Variants in CTIF observed in about 807,000 individuals in gnomAD.
CTIF encodes cap binding complex dependent translation initiation factor, also known as CBP80/20-dependent translation initiation factor.
Under a neutral mutation model 66.0 loss-of-function variants are expected in CTIF, and 21 were observed. That is an observed-to-expected ratio of 0.32 (90% CI 0.23 to 0.46). CTIF has a LOEUF of 0.46. Ranked by LOEUF, CTIF falls within the 20% of genes least tolerant of loss-of-function variation. The pLI is 1.00. For missense variants in CTIF, 739 were observed against 812.7 expected (o/e 0.91, Z 1.10); for synonymous variants, 345 against 326.4 (o/e 1.06, Z -0.62).
At chr18:48,596,484 T>C (rs2089989202) in intron 1 of CTIF, among the ~76,000 whole-genome samples, 1 of 151,728 alleles carries the variant, frequency 6.6e-6, no homozygotes, top group South Asian at 2.1e-4. Flanking sequence ...TTTCTTTTTT[T>C]TTTTTTCTTT....
At chr18:48,621,180 G>A (rs1353224331) in intron 2 of CTIF, among the ~76,000 whole-genome samples, 1 of 151,726 alleles carries the variant, frequency 6.6e-6, no homozygotes, top group Non-Finnish European at 1.5e-5. Flanking sequence ...ACTCGTGGAT[G>A]ATCATTGCGA....
intron 6 of CTIF, among the ~76,000 whole-genome samples, chr18:48,684,067 G>T (rs1477016479): frequency 1.3e-5 from 2 of 152,230 alleles, no homozygotes; most frequent in Non-Finnish European, 2.9e-5. Flanking sequence ...GACTATTGGA[G>T]CAAATGACCT....
chr18:48,830,167 T>G (rs1307533052), intron 10 of CTIF, among the ~76,000 whole-genome samples: 1 of 152,140 alleles, frequency 6.6e-6, no homozygotes, highest in African/African-American at 2.4e-5. Context: ...TATTTTTGTT[T>G]GTTTGTTTGT....
Position 48,698,331 on chromosome 18 carries a change from G to T in CTIF, c.508-13288G>T, listed in dbSNP as rs565634551. Among the ~76,000 whole-genome samples the T allele has an allele frequency of 2.0e-5, 3 of 151,934 alleles. No individual in the cohort carries two copies. In the South Asian group the frequency reaches 6.2e-4, roughly 32 times the overall value. On this transcript the variant is annotated intron_variant, in intron 6 of 11. Coordinates refer to ENST00000256413, the MANE Select transcript of CTIF (RefSeq NM_014772.3). The stretch of plus-strand genomic sequence containing the variant: ...CCCGGCTGCATGCCAAGCTAGGAGG[G>T]CCCAGCAGCTGGCATGGGACTCGCT...
rs568462909 is a variant in CTIF, at chr18:48,634,998, T to G, written c.181-1616T>G. 1.6e-4 allele frequency among the ~76,000 whole-genome samples: 25 copies of G among 152,350 alleles called. No individual in the cohort carries two copies. The South Asian group carries it at 4.6e-3, about 28-fold the overall frequency. ...ATATAATATATTATTTCATTTAATTTTACCTGTTTCTTTTAAAAATTTGGC... is the reference window on the plus strand; with the variant it reads ...ATATAATATATTATTTCATTTAATTGTACCTGTTTCTTTTAAAAATTTGGC... On this transcript the variant is annotated intron_variant, in intron 2 of 11. Transcript: ENST00000256413.
At chr18:48,670,129 C>T (rs1598838404) in intron 5 of CTIF, among the ~76,000 whole-genome samples, 1 of 152,108 alleles carries the variant, frequency 6.6e-6, no homozygotes, top group South Asian at 2.1e-4. Context: ...AGATTCAGAC[C>T]TCTGGCCAGG....
chr18:48,663,854 G>A, intron 4 of CTIF, 29 bp downstream of exon 4: 1 of 1,605,386 alleles, frequency 6.2e-7, no homozygotes, highest in Non-Finnish European at 8.5e-7. Flanking sequence ...CTTCCCTGTG[G>A]TGTGAGGTCC....
intron 7 of CTIF, among the ~76,000 whole-genome samples, chr18:48,749,290 T>C (rs1907560854): frequency 6.6e-6 from 1 of 152,240 alleles, no homozygotes; most frequent in Non-Finnish European, 1.5e-5. Context: ...GGCCAGGCTT[T>C]GGGCTGGGGA....
At chr18:48,718,581 A>T (rs541097270) in intron 7 of CTIF, among the ~76,000 whole-genome samples, 3 of 152,274 alleles carry the variant, frequency 2.0e-5, no homozygotes, top group Non-Finnish European at 4.4e-5. Context: ...AAGAAGAGGG[A>T]GTGAAGTCAC....
At chr18:48,708,409 A>T (rs186333417) in intron 6 of CTIF, among the ~76,000 whole-genome samples, 3 of 152,202 alleles carry the variant, frequency 2.0e-5, no homozygotes, top group Admixed American at 6.5e-5. Context: ...AGTTTGAAGA[A>T]CAAGATGGCT....
intron 9 of CTIF, among the ~76,000 whole-genome samples, chr18:48,771,813 C>T (rs534302942): frequency 7.9e-5 from 12 of 152,350 alleles, no homozygotes; most frequent in African/African-American, 2.6e-4. Context: ...GAGCGGCCGG[C>T]CCCCAGCCGC....
chr18:48,857,100 G>T (rs1208839716), intron 10 of CTIF, among the ~76,000 whole-genome samples: 1 of 152,212 alleles, frequency 6.6e-6, no homozygotes, highest in Non-Finnish European at 1.5e-5. Flanking sequence ...TGGGCCAGTG[G>T]AGAAGAGGGC....
At chr18:48,683,668 G>A (rs1017556961) in intron 6 of CTIF, among the ~76,000 whole-genome samples, 1 of 152,128 alleles carries the variant, frequency 6.6e-6, no homozygotes, top group Non-Finnish European at 1.5e-5. Flanking sequence ...AGCGGTCTAG[G>A]CCCTGCTCTC....
At chr18:48,776,243 A>G (rs1185144032) in intron 9 of CTIF, among the ~76,000 whole-genome samples, 3 of 152,210 alleles carry the variant, frequency 2.0e-5, no homozygotes, top group African/African-American at 7.2e-5. Context: ...GCCCACCTCC[A>G]TATGCCCCCA....
intron 6 of CTIF, among the ~76,000 whole-genome samples, chr18:48,676,928 T>A (rs574011882): frequency 4.3e-4 from 66 of 152,110 alleles, no homozygotes; most frequent in African/African-American, 1.5e-3. Flanking sequence ...GTGAAAATGG[T>A]GGCCGATAAG....
intron 3 of CTIF, among the ~76,000 whole-genome samples, chr18:48,646,813 G>GT (rs2091041381): frequency 1.4e-5 from 2 of 147,836 alleles, no homozygotes; most frequent in African/African-American, 4.9e-5. Flanking sequence ...TCCAATGCTG[G>GT]TGAGAATGCA....
chr18:48,674,915 C>A (rs929547227), intron 6 of CTIF, among the ~76,000 whole-genome samples: 1 of 152,264 alleles, frequency 6.6e-6, no homozygotes, highest in African/African-American at 2.4e-5. Flanking sequence ...GGAGCAGGTA[C>A]GCTGGGATAG....
chr18:48,716,330 G>C (rs1379079767), intron 7 of CTIF, among the ~76,000 whole-genome samples: 1 of 152,220 alleles, frequency 6.6e-6, no homozygotes, highest in Non-Finnish European at 1.5e-5. Context: ...CAGGGAGGAG[G>C]CTTAGAGAAA....
intron 7 of CTIF, among the ~76,000 whole-genome samples, chr18:48,744,518 T>C (rs1392865232): frequency 1.3e-5 from 2 of 152,214 alleles, no homozygotes; most frequent in African/African-American, 4.8e-5. Context: ...CCCAGTTTCC[T>C]GTGATGTTAA....
Sources: allele counts gnomAD v4.1 joint callset (sites outside exome capture counted in the v4.1 genomes callset), GRCh38; gene constraint gnomAD v4.1.1; transcripts MANE v1.5; gene names NCBI Gene and HGNC (gene_info 2026-07-23, HGNC 2026-07-21).